FAM193A: variants seen among roughly 807,000 people sequenced by gnomAD.
FAM193A encodes family with sequence similarity 193 member A, also known as protein FAM193A.
In FAM193A, 22 loss-of-function variants were observed where a neutral mutation model predicts 126.5. That is an observed-to-expected ratio of 0.17 (90% CI 0.12 to 0.25). The LOEUF (loss-of-function observed/expected upper bound fraction) is 0.25. FAM193A is among the 10% of genes least tolerant of loss of function. The probability of loss-of-function intolerance (pLI) is 1.00; values close to 1 mark genes in which losing one functional copy is unlikely to be tolerated. For missense variants in FAM193A, 1,675 were observed against 1,672.8 expected, an observed-to-expected ratio of 1.00 and a Z score of -0.02; for synonymous variants, 761 against 646.8, an observed-to-expected ratio of 1.18 and a Z score of -2.68.
chr4:2,708,363 G>A (rs982822334), intron 19 of FAM193A: 1 of 189,526 alleles, frequency 5.3e-6, no homozygotes, highest in African/African-American at 2.4e-5. Context: ...GACCTCAGGT[G>A]ATCCACCCAT....
chr4:2,664,858 C>T (rs773243261), intron 12 of FAM193A, among the ~76,000 whole-genome samples: 4 of 152,096 alleles, frequency 2.6e-5, no homozygotes, highest in Non-Finnish European at 4.4e-5. Flanking sequence ...CCACTGCACC[C>T]GGCTGGTACA....
chr4:2,658,957 G>T (rs1412218553), intron 8 of FAM193A, among the ~76,000 whole-genome samples: 2 of 152,076 alleles, frequency 1.3e-5, no homozygotes, highest in Non-Finnish European at 2.9e-5. Context: ...CACCATGTTG[G>T]CCAGGCTGGT....
At chr4:2,669,228 G>A (rs571301639) in intron 12 of FAM193A, among the ~76,000 whole-genome samples, 8 of 152,248 alleles carry the variant, frequency 5.3e-5, no homozygotes, top group South Asian at 4.1e-4. Context: ...TTAAGTTACC[G>A]TCTTGTTTTT....
At chr4:2,679,298 T>C (rs1028233577) in intron 13 of FAM193A, among the ~76,000 whole-genome samples, 2 of 152,090 alleles carry the variant, frequency 1.3e-5, no homozygotes, top group Non-Finnish European at 2.9e-5. Context: ...AATATGCTGC[T>C]GAATTCAGGT....
At chr4:2,562,994 G>T (rs990758500) in intron 1 of FAM193A, among the ~76,000 whole-genome samples, 1 of 151,584 alleles carries the variant, frequency 6.6e-6, no homozygotes, top group Non-Finnish European at 1.5e-5. Context: ...GCCCAGGCTG[G>T]AGTGCAGTGG....
At chr4:2,690,254 C>T (rs1398108643) in intron 14 of FAM193A, among the ~76,000 whole-genome samples, 1 of 152,228 alleles carries the variant, frequency 6.6e-6, no homozygotes, top group Non-Finnish European at 1.5e-5. Context: ...CTGGTACCTA[C>T]TCCTCATCTC....
chr4:2,612,936 T>G (rs1741964025), intron 2 of FAM193A, among the ~76,000 whole-genome samples: 1 of 152,248 alleles, frequency 6.6e-6, no homozygotes, highest in African/African-American at 2.4e-5. Context: ...TAGAGCCAAC[T>G]TGTCAGTTTC....
At chr4:2,537,529 C>T (rs868699914) in intron 1 of FAM193A, among the ~76,000 whole-genome samples, 5 of 152,254 alleles carry the variant, frequency 3.3e-5, no homozygotes, top group Admixed American at 6.5e-5. Context: ...GCTTCGCCTT[C>T]CGCTGGACCC....
chr4:2,539,599 G>T (rs1366082801), intron 1 of FAM193A, among the ~76,000 whole-genome samples: 3 of 151,836 alleles, frequency 2.0e-5, no homozygotes, highest in Non-Finnish European at 4.4e-5. Flanking sequence ...TAGATACAGG[G>T]TCTCACTATG....
intron 1 of FAM193A, among the ~76,000 whole-genome samples, chr4:2,581,466 G>A (rs954455639): frequency 7.2e-5 from 11 of 151,740 alleles, no homozygotes; most frequent in African/African-American, 2.7e-4. Flanking sequence ...TGTTGCCCAG[G>A]CTGATCTCGA....
At chr4:2,576,979 C>T (rs1739623527) in intron 1 of FAM193A, among the ~76,000 whole-genome samples, 1 of 152,210 alleles carries the variant, frequency 6.6e-6, no homozygotes, top group Admixed American at 6.5e-5. Context: ...GTAACATATT[C>T]ACAAAGCAGT....
At position 2,561,359 on chromosome 4, in the gene FAM193A, T is replaced by G. The variant is rs554532045; in HGVS notation, c.255+24189T>G. On this transcript the variant is annotated intron_variant, in intron 1 of 20. Transcript: ENST00000637812. ...ACCATGCCCGGCTAATTTTTATATT[T>G]TTTGGTAGAGACAGAGTTTCACCAT... Among the ~76,000 whole-genome samples the G allele has an allele frequency of 3.3e-5, 5 of 152,078 alleles. No homozygotes were observed. The East Asian group carries it at 9.7e-4, about 29-fold the overall frequency.
At chr4:2,652,271 T>C (rs987551091) in intron 7 of FAM193A, among the ~76,000 whole-genome samples, 3 of 152,140 alleles carry the variant, frequency 2.0e-5, no homozygotes, top group Non-Finnish European at 4.4e-5. Flanking sequence ...CAGAGAAGCT[T>C]TGAGTCTGGA....
intron 1 of FAM193A, among the ~76,000 whole-genome samples, chr4:2,578,397 C>G (rs1422315481): frequency 2.0e-5 from 3 of 151,984 alleles, no homozygotes; most frequent in South Asian, 2.1e-4. Context: ...GACTCTGTAT[C>G]AAGCACTTGA....
intron 12 of FAM193A, among the ~76,000 whole-genome samples, chr4:2,665,718 G>C (rs1713032826): frequency 1.3e-5 from 2 of 152,128 alleles, no homozygotes; most frequent in African/African-American, 4.8e-5. Flanking sequence ...GTAGAGAGAG[G>C]GTCTCACTAT....
At chr4:2,634,338 T>C (rs537838631) in intron 5 of FAM193A, among the ~76,000 whole-genome samples, 1 of 152,264 alleles carries the variant, frequency 6.6e-6, no homozygotes, top group South Asian at 2.1e-4. Flanking sequence ...TCAGGCAGCA[T>C]GCAGATCACC....
intron 2 of FAM193A, among the ~76,000 whole-genome samples, chr4:2,616,213 A>G (rs1429409359): frequency 6.6e-6 from 1 of 152,208 alleles, no homozygotes; most frequent in Admixed American, 6.5e-5. Flanking sequence ...TGTTGAATTA[A>G]TGCCACCACC....
At chr4:2,697,951 C>T (rs976275899) in intron 18 of FAM193A, among the ~76,000 whole-genome samples, 1 of 152,260 alleles carries the variant, frequency 6.6e-6, no homozygotes, top group African/African-American at 2.4e-5. Flanking sequence ...ACCCCAGGCT[C>T]TTGCCCTCTG....
chr4:2,669,707 A>G (rs1318581678), intron 12 of FAM193A, among the ~76,000 whole-genome samples: 1 of 152,224 alleles, frequency 6.6e-6, no homozygotes, highest in Non-Finnish European at 1.5e-5. Context: ...CCCTATACCC[A>G]GGGTCCCCAC....
Sources: allele counts gnomAD v4.1 joint callset (sites outside exome capture counted in the v4.1 genomes callset), GRCh38; gene constraint gnomAD v4.1.1; transcripts MANE v1.5; gene names NCBI Gene and HGNC (gene_info 2026-07-23, HGNC 2026-07-21).